Variants in UBE2E2 observed in about 807,000 individuals in gnomAD.
UBE2E2 encodes the protein ubiquitin-conjugating enzyme E2 E2.
Under a neutral mutation model 24.7 loss-of-function variants are expected in UBE2E2, and 6 were observed. That is an observed-to-expected ratio of 0.24 (90% confidence interval 0.13 to 0.48). UBE2E2 has a LOEUF of 0.48. UBE2E2 is among the 20% of genes least tolerant of loss of function. The pLI, the probability that UBE2E2 is intolerant of heterozygous loss-of-function variation, is 0.99. For synonymous variants in UBE2E2, 104 were observed against 83.6 expected, an observed-to-expected ratio of 1.24 and a Z score of -1.33; for missense variants, 169 against 245.0, an observed-to-expected ratio of 0.69 and a Z score of 2.07.
At chr3:23,292,070 G>A (rs1393624122) in intron 3 of UBE2E2, among the ~76,000 whole-genome samples, 15 of 151,984 alleles carry the variant, frequency 9.9e-5, no homozygotes, top group Admixed American at 5.2e-4. Flanking sequence ...GTGTTAACCA[G>A]GATGGTCTTG....
intron 3 of UBE2E2, among the ~76,000 whole-genome samples, chr3:23,375,620 T>C (rs1696503020): frequency 6.6e-6 from 1 of 152,212 alleles, no homozygotes; most frequent in South Asian, 2.1e-4. Context: ...AACCAAATTA[T>C]ACTTCAGTGG....
At chr3:23,480,785 T>G (rs1424309772) in intron 3 of UBE2E2, among the ~76,000 whole-genome samples, 2 of 152,210 alleles carry the variant, frequency 1.3e-5, no homozygotes, top group African/African-American at 2.4e-5. Context: ...ACAAAATGGT[T>G]TTTTGAACAG....
chr3:23,235,998 A>G (rs577918983), intron 3 of UBE2E2, among the ~76,000 whole-genome samples: 1 of 152,226 alleles, frequency 6.6e-6, no homozygotes, highest in East Asian at 1.9e-4. Flanking sequence ...GAAATGATGA[A>G]TTTGTGTGTG....
At position 23,355,833 on chromosome 3, in the gene UBE2E2, G is replaced by A. The variant is rs537738729; in HGVS notation, c.227+138521G>A. On this transcript the variant is annotated intron_variant, in intron 3 of 5. Transcript: ENST00000396703. The stretch of plus-strand genomic sequence containing the variant: ...ATGCTACGATTCATGTGTATTTACT[G>A]AGCATATAAAGCAGTCTATGCAGTT... Among the ~76,000 whole-genome samples the A allele has an allele frequency of 2.0e-5, 3 of 152,218 alleles. No homozygotes were observed. In the East Asian group the frequency reaches 5.8e-4, roughly 29 times the overall value.
chr3:23,402,892 T>C (rs1697266183), intron 3 of UBE2E2, among the ~76,000 whole-genome samples: 1 of 152,182 alleles, frequency 6.6e-6, no homozygotes, highest in African/African-American at 2.4e-5. Flanking sequence ...GAGATGTGGT[T>C]GAGTCCCAAC....
chr3:23,359,569 A>G (rs1032695925), intron 3 of UBE2E2, among the ~76,000 whole-genome samples: 1 of 152,090 alleles, frequency 6.6e-6, no homozygotes, highest in African/African-American at 2.4e-5. Flanking sequence ...ATTTGAAATG[A>G]TCTTTGATCT....
intron 3 of UBE2E2, among the ~76,000 whole-genome samples, chr3:23,351,403 A>G (rs1231190343): frequency 1.3e-5 from 2 of 152,270 alleles, no homozygotes; most frequent in Non-Finnish European, 2.9e-5. Flanking sequence ...CTTTAAATGT[A>G]AATGGACTGA....
intron 1 of UBE2E2, among the ~76,000 whole-genome samples, chr3:23,203,782 T>C (rs1334709819): frequency 6.7e-6 from 1 of 148,952 alleles, no homozygotes; most frequent in East Asian, 2.0e-4. Context: ...GCTTTCCTTC[T>C]CCTAGCCGCA....
intron 3 of UBE2E2, among the ~76,000 whole-genome samples, chr3:23,226,589 G>A (rs184127540): frequency 6.6e-6 from 1 of 152,276 alleles, no homozygotes; most frequent in East Asian, 1.9e-4. Context: ...AAGAATGGGT[G>A]GGATTTGGAA....
chr3:23,527,486 G>A (rs572410056), intron 4 of UBE2E2, among the ~76,000 whole-genome samples: 2 of 152,220 alleles, frequency 1.3e-5, no homozygotes, highest in African/African-American at 2.4e-5. Flanking sequence ...AAAGCCTTGC[G>A]ATCTCAGAAA....
At position 23,474,665 on chromosome 3, in the gene UBE2E2, A is replaced by T. The variant is rs375593233; in HGVS notation, c.228-24943A>T. Reference sequence around the variant, plus strand: ...TGGAATGGCAGTCTAGAATAAAACTATGCTGTTTCCACTTATGTGGTAATA... The same window carrying T: ...TGGAATGGCAGTCTAGAATAAAACTTTGCTGTTTCCACTTATGTGGTAATA... On this transcript the variant is annotated intron_variant, in intron 3 of 5. Coordinates refer to ENST00000396703, the MANE Select transcript of UBE2E2 (RefSeq NM_152653.4). This position sits in a 1 kb window ranked among gnomAD's most constrained non-coding sequence, Gnocchi z 4.0. Among the ~76,000 whole-genome samples, 1 of 152,232 alleles carries T rather than the reference A, an allele frequency of 6.6e-6. No homozygotes were observed. The highest frequency in any genetic ancestry group is 2.1e-4 in the South Asian group (1 of 4,830).
intron 2 of UBE2E2, among the ~76,000 whole-genome samples, chr3:23,216,265 A>G (rs950324847): frequency 2.6e-5 from 4 of 152,124 alleles, no homozygotes; most frequent in Non-Finnish European, 5.9e-5. Flanking sequence ...GTTGATACCA[A>G]TTCTATTGGA....
chr3:23,586,523 C>T (rs894938861), intron 5 of UBE2E2, among the ~76,000 whole-genome samples: 1 of 152,072 alleles, frequency 6.6e-6, no homozygotes, highest in African/African-American at 2.4e-5. Flanking sequence ...GTCTTGAACT[C>T]CTGGCCTCAA....
intron 3 of UBE2E2, among the ~76,000 whole-genome samples, chr3:23,389,215 A>G (rs1696880700): frequency 6.6e-6 from 1 of 152,120 alleles, no homozygotes; most frequent in Admixed American, 6.6e-5. Flanking sequence ...AGCAGATGAG[A>G]TCACAGCCTC....
chr3:23,486,270 C>T (rs1489346637), intron 3 of UBE2E2, among the ~76,000 whole-genome samples: 1 of 152,180 alleles, frequency 6.6e-6, no homozygotes, highest in Non-Finnish European at 1.5e-5. Context: ...GTACCAGATA[C>T]ACCACAAGAG....
intron 3 of UBE2E2, among the ~76,000 whole-genome samples, chr3:23,287,425 A>G (rs755444157): frequency 3.3e-5 from 5 of 152,166 alleles, no homozygotes; most frequent in African/African-American, 4.8e-5. Flanking sequence ...CATCAGGGTG[A>G]TAATGGCCTC....
intron 5 of UBE2E2, among the ~76,000 whole-genome samples, chr3:23,546,566 C>T (rs1407075993): frequency 3.3e-5 from 5 of 150,144 alleles, no homozygotes; most frequent in African/African-American, 1.2e-4. Flanking sequence ...CCCCACCTCC[C>T]AGGTTCAAAC....
In UBE2E2 at chr3:23,395,395, C is replaced by G. The variant is rs544179405; in HGVS notation, c.228-104213C>G. 2.6e-5 allele frequency among the ~76,000 whole-genome samples: 4 copies of G among 152,178 alleles called. 1 individual carries two copies. The highest frequency in any genetic ancestry group is 9.6e-5 in the African/African-American group (4 of 41,520). ...GTCATTCTGTTTTTTCCTTTTTGTTCCAGGGTAGTTACATGTACTTAATTT... is the reference window on the plus strand; with the variant it reads ...GTCATTCTGTTTTTTCCTTTTTGTTGCAGGGTAGTTACATGTACTTAATTT... On this transcript the variant is annotated intron_variant, in intron 3 of 5. Transcript: ENST00000396703.
intron 5 of UBE2E2, among the ~76,000 whole-genome samples, chr3:23,547,519 T>A (rs1322516399): frequency 1.3e-5 from 2 of 152,232 alleles, no homozygotes; most frequent in African/African-American, 4.8e-5. Context: ...AATGTGGTGG[T>A]CTGTTAATAC....
Sources: allele counts gnomAD v4.1 joint callset (sites outside exome capture counted in the v4.1 genomes callset), GRCh38; gene constraint gnomAD v4.1.1; non-coding constraint Gnocchi (gnomAD v3.1); transcripts MANE v1.5; gene names NCBI Gene and HGNC (gene_info 2026-07-23, HGNC 2026-07-21).